The following RPS6KA1 variants were observed in gnomAD, a reference collection of about 807,000 sequenced individuals.
RPS6KA1 encodes the protein ribosomal protein S6 kinase alpha-1.
In RPS6KA1, 48 loss-of-function variants were observed where a neutral mutation model predicts 91.3. The ratio of observed to expected loss-of-function variants is 0.53; its 90% CI spans 0.42 to 0.67. The LOEUF (loss-of-function observed/expected upper bound fraction) is 0.67. Ranked by LOEUF, RPS6KA1 falls within the 30% of genes least tolerant of loss-of-function variation. RPS6KA1 has a pLI of 0.00. For missense variants in RPS6KA1, 719 were observed against 960.5 expected, an observed-to-expected ratio of 0.75 and a Z score of 3.32; for synonymous variants, 359 against 384.7, an observed-to-expected ratio of 0.93 and a Z score of 0.78.
intron 2 of RPS6KA1, among the ~76,000 whole-genome samples, chr1:26,538,220 T>C (rs983438426): frequency 2.0e-5 from 3 of 152,216 alleles, no homozygotes; most frequent in Admixed American, 6.5e-5. Flanking sequence ...GCTCAGCCCA[T>C]GTCTGCAGAA....
intron 2 of RPS6KA1, 105 bp downstream of exon 2, chr1:26,537,074 C>T: frequency 1.6e-6 from 2 of 1,228,144 alleles, no homozygotes; most frequent in South Asian, 2.4e-5. Flanking sequence ...TTGCCCAACT[C>T]AGCCGTCCTT....
At chr1:26,552,198 C>G (rs1461202660) in intron 6 of RPS6KA1, among the ~76,000 whole-genome samples, 4 of 151,896 alleles carry the variant, frequency 2.6e-5, no homozygotes, top group South Asian at 2.1e-4. Context: ...GACCATCCTG[C>G]CCAACATGGT....
In RPS6KA1 at chr1:26,547,513, G is replaced by T; in HGVS notation, c.307+243G>T. 1 of 472,436 alleles carries T rather than the reference G, an allele frequency of 2.1e-6. No homozygotes were observed. The highest frequency in any genetic ancestry group is 3.9e-6 in the Non-Finnish European group (1 of 256,170). 29.3% of individuals were successfully genotyped at this position (472,436 alleles called of 1,614,324 possible). ...GTAATAGGGTAAATGCAATGTGTTT[G>T]TCAGGGGGCGGGGCCCTCAACTACC... On this transcript the variant is annotated intron_variant, in intron 4 of 21. Coordinates refer to ENST00000374168, the MANE Select transcript of RPS6KA1 (RefSeq NM_002953.4). This position sits in a 1 kb window ranked among gnomAD's most constrained non-coding sequence, Gnocchi z 4.1.
Position 26,554,571 on chromosome 1 carries a change from T to C in RPS6KA1, c.614-25T>C. ...CAAGGAAGGCAGGGGTCCTAAGGTGTGTCCTCCTGCCCTCCTTGCTGTAGA... is the reference window on the plus strand; with the variant it reads ...CAAGGAAGGCAGGGGTCCTAAGGTGCGTCCTCCTGCCCTCCTTGCTGTAGA... On this transcript the variant is annotated intron_variant, in intron 8 of 21. Transcript: ENST00000374168. The surrounding 1 kb of genome is among the most constrained non-coding windows in gnomAD (Gnocchi z 4.6). 1 of 1,599,728 alleles carries C rather than the reference T, an allele frequency of 6.3e-7. No homozygotes were observed. Among genetic ancestry groups the C allele is most frequent in the Non-Finnish European group, 8.5e-7 (1 of 1,169,824 alleles).
intron 21 of RPS6KA1, 35 bp downstream of exon 21, chr1:26,573,396 G>C: frequency 6.2e-7 from 1 of 1,613,226 alleles, no homozygotes; most frequent in Non-Finnish European, 8.5e-7. Context: ...GCATCTGGGG[G>C]GTCAGCCCAA....
chr1:26,554,499 G>A lies in RPS6KA1; in HGVS notation c.614-97G>A, dbSNP rs533512498. The A allele has an allele frequency of 4.7e-6, 7 of 1,480,442 alleles. No homozygotes were observed. The highest frequency in any genetic ancestry group is 4.6e-5 in the East Asian group (2 of 43,620). 91.7% of individuals were successfully genotyped at this position (1,480,442 alleles called of 1,614,324 possible). ...TCCTCCTGAGTGTCATGGGGGTGAT[G>A]CCTTCTGGCCTCTGGGCACGGGGGT... On this transcript the variant is annotated intron_variant, in intron 8 of 21. Transcript: ENST00000374168. This position sits in a 1 kb window ranked among gnomAD's most constrained non-coding sequence, Gnocchi z 4.6.
Position 26,558,675 on chromosome 1 carries a change from G to GCCCT in RPS6KA1, c.1085-130_1085-127dup. ...TTGGGCCAAGGCCTGTGATGGACAGGCCCTCTGCAGGCTCCCGCCACGGCC... is the reference window on the plus strand; with the variant it reads ...TTGGGCCAAGGCCTGTGATGGACAGGCCCTCCCTCTGCAGGCTCCCGCCACGGCC... On this transcript the variant is annotated intron_variant, in intron 13 of 21. Coordinates refer to ENST00000374168, the MANE Select transcript of RPS6KA1 (RefSeq NM_002953.4). The surrounding 1 kb of genome is among the most constrained non-coding windows in gnomAD (Gnocchi z 4.0). 1 of 1,011,304 alleles carries GCCCT rather than the reference G, an allele frequency of 9.9e-7. No individual in the cohort carries two copies. Among genetic ancestry groups the GCCCT allele is most frequent in the South Asian group, 1.6e-5 (1 of 64,020 alleles). The allele number at this position is 1,011,304 out of a possible 1,614,324, so 62.6% of individuals were successfully genotyped here.
intron 1 of RPS6KA1, among the ~76,000 whole-genome samples, chr1:26,530,337 G>A (rs2075858998): frequency 6.6e-6 from 1 of 152,192 alleles, no homozygotes; most frequent in African/African-American, 2.4e-5. Context: ...CCAGATGTCT[G>A]GGATTCTACC....
At chr1:26,539,829 C>T (rs1377323380) in intron 2 of RPS6KA1, among the ~76,000 whole-genome samples, 4 of 152,232 alleles carry the variant, frequency 2.6e-5, no homozygotes, top group African/African-American at 9.6e-5. Flanking sequence ...GTGGACTGGG[C>T]ATCCCAGGCC....
rs2076083403 is a variant in RPS6KA1 at position 26,554,695 on chromosome 1, G to A, written c.713G>A (p.Gly238Asp). 1 of 1,612,836 alleles carries A rather than the reference G, an allele frequency of 6.2e-7. No individual in the cohort carries two copies. Among genetic ancestry groups the A allele is most frequent in the Non-Finnish European group, 8.5e-7 (1 of 1,179,028 alleles). ...YMAPEVVNRQGHSHSADWWSY... is the reference protein window; with the variant it reads ...YMAPEVVNRQDHSHSADWWSY... ...GCCCCTGAGGTCGTCAACCGCCAGG[G>A]CCACTCCCATAGTGCGGACTGGTGG... The change falls in exon 9 of 22, where the codon GGC becomes GAC. Residue 238 changes from glycine (G) to aspartate (D), a missense_variant. By Grantham distance (94) the Gly-to-Asp change is moderately conservative. Transcript: ENST00000374168. The surrounding 1 kb of genome is among the most constrained non-coding windows in gnomAD (Gnocchi z 4.6).
In RPS6KA1 at chr1:26,549,673, A is replaced by G. The variant is rs1570435656; in HGVS notation, c.308-1724A>G. Among the ~76,000 whole-genome samples, 3 of 148,576 alleles carry G rather than the reference A, an allele frequency of 2.0e-5. No homozygotes were observed. In the East Asian group the frequency reaches 6.0e-4, roughly 30 times the overall value. ...CTGCCCAAAATGAACCTAGGCAGCCATGTCCAAAAGCCTGTTCTTTTTTTT... is the reference window on the plus strand; with the variant it reads ...CTGCCCAAAATGAACCTAGGCAGCCGTGTCCAAAAGCCTGTTCTTTTTTTT... On this transcript the variant is annotated intron_variant, in intron 4 of 21. Coordinates refer to ENST00000374168, the MANE Select transcript of RPS6KA1 (RefSeq NM_002953.4).
At position 26,573,208 on chromosome 1, in the gene RPS6KA1, C is replaced by T. The variant is rs2076265406; in HGVS notation, c.1948-16C>T. 6.2e-7 allele frequency: 1 copy of T among 1,613,122 alleles called. No homozygotes were observed. Among genetic ancestry groups the T allele is most frequent in the South Asian group, 1.1e-5 (1 of 91,052 alleles). ...CTGCAGCCCTCCCCCAACCCCCTTG[C>T]CCACTGTGTCCCCAGGACCTGGTGT... On this transcript the variant is annotated splice_polypyrimidine_tract_variant and intron_variant, in intron 20 of 21. Transcript: ENST00000374168.
Position 26,529,945 on chromosome 1 carries a change from C to G in RPS6KA1, c.25C>G (p.Pro9Ala). 7.0e-7 allele frequency: 1 copy of G among 1,433,768 alleles called. No homozygotes were observed. The highest frequency in any genetic ancestry group is 9.1e-7 in the Non-Finnish European group (1 of 1,094,610). 88.8% of individuals were successfully genotyped at this position (1,433,768 alleles called of 1,614,324 possible). Reference sequence around the variant, plus strand: ...GATGCCGCTCGCCCAGCTCAAGGAGCCCTGGCCGCTCATGGAGCTAGTGCC... The same window carrying G: ...GATGCCGCTCGCCCAGCTCAAGGAGGCCTGGCCGCTCATGGAGCTAGTGCC... MPLAQLKE[P>A]WPLMELVPLD... Residue 9 changes from proline (P) to alanine (A), a missense_variant, in exon 1 of 22, where the codon CCC (proline) becomes GCC (alanine). By Grantham distance (27) the Pro-to-Ala change is conservative (BLOSUM62 -1). Around this residue, in one of 5 missense-constraint regions of RPS6KA1, gnomAD observed 57 missense variants for 55.8 expected, o/e 1.02. Coordinates refer to ENST00000374168, the MANE Select transcript of RPS6KA1 (RefSeq NM_002953.4). The surrounding 1 kb of genome is among the most constrained non-coding windows in gnomAD (Gnocchi z 4.2).
Position 26,574,589 on chromosome 1 carries a change from G to A in RPS6KA1, c.*388G>A. 1 of 401,074 alleles carries A rather than the reference G, an allele frequency of 2.5e-6. No homozygotes were observed. The highest frequency in any genetic ancestry group is 4.9e-6 in the Non-Finnish European group (1 of 202,776). The allele number at this position is 401,074 out of a possible 1,614,324, so 24.8% of individuals were successfully genotyped here. On this transcript the variant is annotated 3_prime_UTR_variant, in exon 22 of 22. Coordinates refer to ENST00000374168, the MANE Select transcript of RPS6KA1 (RefSeq NM_002953.4). The surrounding 1 kb of genome is among the most constrained non-coding windows in gnomAD (Gnocchi z 4.3). ...AGAGCAGCTTTGGGATCCCACCCTGGGGACCCCCACGATTGGCCACCTGTA... is the reference window on the plus strand; with the variant it reads ...AGAGCAGCTTTGGGATCCCACCCTGAGGACCCCCACGATTGGCCACCTGTA...
At chr1:26,566,061 TTCTA>T (rs56703602) in intron 17 of RPS6KA1, among the ~76,000 whole-genome samples, 4,458 of 152,238 alleles carry the variant, frequency 0.029, 196 homozygotes, top group African/African-American at 0.1. Flanking sequence ...TGTTGTGACA[TTCTA>T]TCTGTTGATT....
chr1:26,550,319 A>G (rs1205128089), intron 4 of RPS6KA1, among the ~76,000 whole-genome samples: 1 of 150,950 alleles, frequency 6.6e-6, no homozygotes, highest in African/African-American at 2.4e-5. Flanking sequence ...AGTAGCTGGG[A>G]TTACAGGCAC....
At chr1:26,559,295 G>A (rs962251744) in intron 14 of RPS6KA1, among the ~76,000 whole-genome samples, 1 of 152,186 alleles carries the variant, frequency 6.6e-6, no homozygotes, top group Non-Finnish European at 1.5e-5. Flanking sequence ...GTTTCAGGTT[G>A]AGAGGCAAGA....
chr1:26,551,075 G>C lies in RPS6KA1; in HGVS notation c.308-322G>C, dbSNP rs1386973125. Reference sequence around the variant, plus strand: ...AGGATCTGACAAAGCAGAGAACCCTGGGGGAGCAGGTTGCTCAGACTGGCT... The same window carrying C: ...AGGATCTGACAAAGCAGAGAACCCTCGGGGAGCAGGTTGCTCAGACTGGCT... On this transcript the variant is annotated intron_variant, in intron 4 of 21. Coordinates refer to ENST00000374168, the MANE Select transcript of RPS6KA1 (RefSeq NM_002953.4). This position sits in a 1 kb window ranked among gnomAD's most constrained non-coding sequence, Gnocchi z 4.5. 6.6e-6 allele frequency among the ~76,000 whole-genome samples: 1 copy of C among 152,248 alleles called. No homozygotes were observed. Among genetic ancestry groups the C allele is most frequent in the South Asian group, 2.1e-4 (1 of 4,822 alleles).
intron 1 of RPS6KA1, among the ~76,000 whole-genome samples, chr1:26,532,078 C>T (rs2075871955): frequency 6.6e-6 from 1 of 152,178 alleles, no homozygotes; most frequent in Non-Finnish European, 1.5e-5. Context: ...TCACAGGGAC[C>T]TAGGATCTGG....
Sources: gnomAD v4.1 joint callset for allele counts (sites outside exome capture counted in the v4.1 genomes callset) on GRCh38, gnomAD v4.1.1 for gene constraint, gnomAD v4.1.1 regional missense constraint, Gnocchi (gnomAD v3.1) non-coding constraint, MANE v1.5 for transcripts, NCBI Gene and HGNC (gene_info 2026-07-23, HGNC 2026-07-21) for gene names.